PPM1G: variants seen among roughly 807,000 people sequenced by gnomAD.
The protein encoded by PPM1G is protein phosphatase, Mg2+/Mn2+ dependent 1G, also known as protein phosphatase 1G.
In PPM1G, 12 loss-of-function variants were observed where a neutral mutation model predicts 59.4. The observed-to-expected ratio is 0.20, with a 90% CI of 0.13 to 0.33. The LOEUF (loss-of-function observed/expected upper bound fraction) is 0.33, where lower values mean the gene tolerates loss of function less well. Among genes scored for constraint, PPM1G ranks in the 10% least tolerant of loss-of-function variants. The probability of loss-of-function intolerance (pLI) is 1.00; values close to 1 mark genes in which losing one functional copy is unlikely to be tolerated. For missense variants in PPM1G, 392 were observed against 681.3 expected, an observed-to-expected ratio of 0.58 and a Z score of 4.73; for synonymous variants, 245 against 251.9, an observed-to-expected ratio of 0.97 and a Z score of 0.26.
rs771427187 is a variant in PPM1G at position 27,386,143 on chromosome 2, A to C, written c.276+51T>G. The C allele has an allele frequency of 3.3e-6, 5 of 1,514,320 alleles. No individual in the cohort carries two copies. In the East Asian group the frequency reaches 6.8e-5, roughly 21 times the overall value. 93.8% of individuals were successfully genotyped at this position (1,514,320 alleles called of 1,614,324 possible). ...AAAGGAAAAGCCCAAGGGCTAGAGA[A>C]CAAGGGAAAAGCCTACACAAGTGAG... On this transcript the variant is annotated intron_variant, in intron 3 of 9. Transcript: ENST00000344034.
At chr2:27,386,149 GA>G in intron 3 of PPM1G, 44 bp downstream of exon 3, 2 of 1,535,738 alleles carry the variant, frequency 1.3e-6, no homozygotes, top group African/African-American at 1.4e-5. Context: ...GAGAACAAGG[GA>G]AAAGCCTACA....
At chr2:27,398,598 C>T (rs964212030) in intron 1 of PPM1G, among the ~76,000 whole-genome samples, 6 of 152,050 alleles carry the variant, frequency 3.9e-5, no homozygotes, top group East Asian at 3.9e-4. Context: ...CCCAGGCGGA[C>T]GGATCACGAG....
chr2:27,386,383 G>C lies in PPM1G; in HGVS notation c.191-104C>G, dbSNP rs575768340. ...TGGAGTGAACCCCAAGGGTTGAGGG[G>C]ATAAATATCTTAGCACCCCTGAACC... On this transcript the variant is annotated intron_variant, in intron 2 of 9. Transcript: ENST00000344034. The C allele has an allele frequency of 9.8e-6, 8 of 816,232 alleles. No homozygotes were observed. In the East Asian group the frequency reaches 2.0e-4, roughly 20 times the overall value. 50.6% of individuals were successfully genotyped at this position (816,232 alleles called of 1,614,324 possible). A position where few individuals can be genotyped will look rare whatever the true frequency, so the allele number is the denominator to read the frequency against.
Position 27,406,674 on chromosome 2 carries a change from A to T in PPM1G, c.120+2629T>A, listed in dbSNP as rs992467472. On this transcript the variant is annotated intron_variant, in intron 1 of 9. Coordinates refer to ENST00000344034, the MANE Select transcript of PPM1G (RefSeq NM_177983.3). ...AATAAAGGGAAATGCCCTACAGAGA[A>T]GCAGCAAATAGTATGGAATCACTGG... 3.3e-5 allele frequency among the ~76,000 whole-genome samples: 5 copies of T among 152,314 alleles called. No individual in the cohort carries two copies. The East Asian group carries it at 9.6e-4, about 29-fold the overall frequency.
chr2:27,396,185 T>C (rs1359015368), intron 1 of PPM1G, among the ~76,000 whole-genome samples: 1 of 151,978 alleles, frequency 6.6e-6, no homozygotes, highest in African/African-American at 2.4e-5. Context: ...GGCAGGACAA[T>C]CACTTGAACC....
intron 1 of PPM1G, among the ~76,000 whole-genome samples, chr2:27,406,398 T>C (rs114543110): frequency 2.2e-3 from 330 of 152,300 alleles, no homozygotes; most frequent in Non-Finnish European, 3.5e-3. Context: ...GAAGGAACAC[T>C]ATCAATGAAG....
At position 27,409,314 on chromosome 2, in the gene PPM1G, C is replaced by A; in HGVS notation, c.109G>T (p.Val37Phe). Reference protein sequence around the residue: ...YGFSAMQGWRVSMEDAHNCIP... With the variant: ...YGFSAMQGWRFSMEDAHNCIP... ...CCCTGCCTCCTCACCTCCATGGAGA[C>A]GCGCCAGCCTTGCATGGCGGAGAAG... Residue 37 changes from valine (V) to phenylalanine (F), a missense_variant, in exon 1 of 10, where the codon GTC (valine) becomes TTC (phenylalanine). This residue lies in a region of PPM1G where 68 missense variants were observed against 145.9 expected (regional missense o/e 0.47). Coordinates refer to ENST00000344034, the MANE Select transcript of PPM1G (RefSeq NM_177983.3). 1 of 1,549,296 alleles carries A rather than the reference C, an allele frequency of 6.5e-7. No homozygotes were observed. The highest frequency in any genetic ancestry group is 1.7e-4 in the Middle Eastern group (1 of 5,968).
At position 27,383,538 on chromosome 2, in the gene PPM1G, T is replaced by G; in HGVS notation, c.1029A>C (p.Val343=). 6.2e-7 allele frequency: 1 copy of G among 1,614,198 alleles called. No individual in the cohort carries two copies. Among genetic ancestry groups the G allele is most frequent in the Non-Finnish European group, 8.5e-7 (1 of 1,180,030 alleles). The change falls in exon 7 of 10, where the codon GTA becomes GTC. Residue 343 remains valine (V), a synonymous_variant. Transcript: ENST00000344034. The surrounding 1 kb of genome is among the most constrained non-coding windows in gnomAD (Gnocchi z 5.0). The part of the protein sequence containing the change: ...VALIRGKQLI[V]ANAGDSRCVV... ...CACAGCGAGAGTCTCCTGCGTTGGC[T>G]ACAATCAACTGCTTCCCTCGTATCA... is the stretch of plus-strand genomic sequence containing the variant.
rs1406090618 is a variant in PPM1G at position 27,382,079 on chromosome 2, C to T, written c.1434+47G>A. ...TTAGCTCAGATTAAAAGAGTGAACC[C>T]TGGCTGTGCAGACCAGACACCCTCT... On this transcript the variant is annotated intron_variant, in intron 9 of 9. Coordinates refer to ENST00000344034, the MANE Select transcript of PPM1G (RefSeq NM_177983.3). This position sits in a 1 kb window ranked among gnomAD's most constrained non-coding sequence, Gnocchi z 4.2. 1 of 1,557,332 alleles carries T rather than the reference C, an allele frequency of 6.4e-7. No homozygotes were observed. Among genetic ancestry groups the T allele is most frequent in the Non-Finnish European group, 8.9e-7 (1 of 1,129,226 alleles).
At chr2:27,408,379 T>G (rs1021970609) in intron 1 of PPM1G, among the ~76,000 whole-genome samples, 9 of 152,178 alleles carry the variant, frequency 5.9e-5, no homozygotes, top group African/African-American at 2.2e-4. Context: ...GGTTAACCCG[T>G]CTTCCTCCCT....
In PPM1G at chr2:27,381,322, G is replaced by GT; in HGVS notation, c.*276dup. On this transcript the variant is annotated 3_prime_UTR_variant, in exon 10 of 10. Transcript: ENST00000344034. Reference sequence around the variant, plus strand: ...AATGTCCTTAAATAAAGTTCACAGAGTAAAAACCAGAACCGCCAGTCCTTC... The same window carrying GT: ...AATGTCCTTAAATAAAGTTCACAGAGTTAAAAACCAGAACCGCCAGTCCTTC... The GT allele has an allele frequency of 1.9e-6, 1 of 524,764 alleles. No homozygotes were observed. The highest frequency in any genetic ancestry group is 2.3e-5 in the South Asian group (1 of 43,174). The allele number at this position is 524,764 out of a possible 1,614,324, so 32.5% of individuals were successfully genotyped here.
intron 1 of PPM1G, among the ~76,000 whole-genome samples, chr2:27,392,278 T>TTTG (rs1326159738): frequency 9.7e-6 from 1 of 102,568 alleles, no homozygotes; most frequent in African/African-American, 4.2e-5. Flanking sequence ...GTTTTGTTGG[T>TTTG]TTGTTTTGTT....
At chr2:27,397,535 A>G (rs1684080806) in intron 1 of PPM1G, among the ~76,000 whole-genome samples, 1 of 152,238 alleles carries the variant, frequency 6.6e-6, no homozygotes, top group African/African-American at 2.4e-5. Flanking sequence ...TTGGTTTAAC[A>G]TTCAAAAAAA....
At position 27,384,342 on chromosome 2, in the gene PPM1G, C is replaced by T. The variant is rs1175183410; in HGVS notation, c.826-250G>A. ...AGGGCTGCCAGCCAAAAATATCTTT[C>T]AGGCACTGTGGCCAGAAAATAAATT... On this transcript the variant is annotated intron_variant, in intron 5 of 9. Coordinates refer to ENST00000344034, the MANE Select transcript of PPM1G (RefSeq NM_177983.3). The surrounding 1 kb of genome is among the most constrained non-coding windows in gnomAD (Gnocchi z 4.8). Among the ~76,000 whole-genome samples, 1 of 152,256 alleles carries T rather than the reference C, an allele frequency of 6.6e-6. No individual in the cohort carries two copies. The highest frequency in any genetic ancestry group is 2.4e-5 in the African/African-American group (1 of 41,476).
intron 1 of PPM1G, among the ~76,000 whole-genome samples, chr2:27,406,825 A>C (rs148911392): frequency 1.3e-5 from 2 of 152,218 alleles, no homozygotes; most frequent in African/African-American, 4.8e-5. Context: ...GAAACCTGGA[A>C]GAAACGTTTT....
At position 27,383,727 on chromosome 2, in the gene PPM1G, G is replaced by T; in HGVS notation, c.967-127C>A. ...AAAAGAGCTTTAACAAACAGGAGAA[G>T]CACACATTTCATCTTTCTAGAGACA... is the stretch of plus-strand genomic sequence containing the variant. On this transcript the variant is annotated intron_variant, in intron 6 of 9. Coordinates refer to ENST00000344034, the MANE Select transcript of PPM1G (RefSeq NM_177983.3). The surrounding 1 kb of genome is among the most constrained non-coding windows in gnomAD (Gnocchi z 5.0). 8.7e-7 allele frequency: 1 copy of T among 1,151,606 alleles called. No homozygotes were observed. Among genetic ancestry groups the T allele is most frequent in the Non-Finnish European group, 1.2e-6 (1 of 820,512 alleles). 71.3% of individuals were successfully genotyped at this position (1,151,606 alleles called of 1,614,324 possible).
chr2:27,382,476 CA>C lies in PPM1G; in HGVS notation c.1330del (p.Trp444GlyfsTer3). On this transcript the variant is annotated frameshift_variant and splice_region_variant, in exon 8 of 10. Transcript: ENST00000344034. LOFTEE classifies it high-confidence loss of function. The surrounding 1 kb of genome is among the most constrained non-coding windows in gnomAD (Gnocchi z 4.2). ...EFMVIACDGI[W>X]NVMSSQEVVD... ...TTTAGGGCATTCTGCCAGTGCTCAC[CA>C]GATGCCATCACAGGCAATGACCATG... The C allele has an allele frequency of 6.2e-7, 1 of 1,614,048 alleles. No homozygotes were observed. Among genetic ancestry groups the C allele is most frequent in the Non-Finnish European group, 8.5e-7 (1 of 1,180,022 alleles).
rs1043396093 is a variant in PPM1G at position 27,389,681 on chromosome 2, T to C, written c.121-2523A>G. On this transcript the variant is annotated intron_variant, in intron 1 of 9. Transcript: ENST00000344034. ...TTGCTAGTCATAAAATGTTATGAGA[T>C]TGGCTAGGTGCGATGGCTCACACCT... Among the ~76,000 whole-genome samples the C allele has an allele frequency of 4.6e-5, 7 of 152,224 alleles. No individual in the cohort carries two copies. The East Asian group carries it at 1.3e-3, about 29-fold the overall frequency.
At position 27,383,747 on chromosome 2, in the gene PPM1G, G is replaced by C; in HGVS notation, c.967-147C>G. 8.7e-7 allele frequency: 1 copy of C among 1,152,706 alleles called. No homozygotes were observed. Among genetic ancestry groups the C allele is most frequent in the African/African-American group, 1.6e-5 (1 of 64,268 alleles). 71.4% of individuals were successfully genotyped at this position (1,152,706 alleles called of 1,614,324 possible). On this transcript the variant is annotated intron_variant, in intron 6 of 9. Coordinates refer to ENST00000344034, the MANE Select transcript of PPM1G (RefSeq NM_177983.3). The surrounding 1 kb of genome is among the most constrained non-coding windows in gnomAD (Gnocchi z 5.0). The stretch of plus-strand genomic sequence containing the variant: ...GAGAAGCACACATTTCATCTTTCTA[G>C]AGACAGCAGCACACTCCCTCTCCCT...
Sources: gnomAD v4.1 joint callset for allele counts (sites outside exome capture counted in the v4.1 genomes callset) on GRCh38, gnomAD v4.1.1 for gene constraint, gnomAD v4.1.1 regional missense constraint, Gnocchi (gnomAD v3.1) non-coding constraint, MANE v1.5 for transcripts, NCBI Gene and HGNC (gene_info 2026-07-23, HGNC 2026-07-21) for gene names.